Variants in ZCCHC14 observed in about 807,000 individuals in gnomAD.
The protein encoded by ZCCHC14 is zinc finger CCHC domain-containing protein 14.
ZCCHC14 carries 16 observed loss-of-function variants against 85.0 expected under a neutral mutation model. That is an observed-to-expected ratio of 0.19 (90% CI 0.13 to 0.29). The LOEUF is 0.29. ZCCHC14 is among the 10% of genes least tolerant of loss of function. ZCCHC14 has a pLI of 1.00. For missense variants in ZCCHC14, 1,303 were observed against 1,443.5 expected, an observed-to-expected ratio of 0.90 and a Z score of 1.58; for synonymous variants, 775 against 630.7, an observed-to-expected ratio of 1.23 and a Z score of -3.43.
chr16:87,445,918 T>G (rs1050818781), intron 2 of ZCCHC14, among the ~76,000 whole-genome samples: 1 of 152,194 alleles, frequency 6.6e-6, no homozygotes, highest in Non-Finnish European at 1.5e-5. Context: ...AATCAACCTA[T>G]TTTTCTAGGT....
chr16:87,427,922 T>A (rs1430727481), intron 3 of ZCCHC14, among the ~76,000 whole-genome samples: 1 of 149,752 alleles, frequency 6.7e-6, no homozygotes, highest in Non-Finnish European at 1.5e-5. Context: ...CATGAGCCAC[T>A]GCACCTGGCC....
In ZCCHC14 at chr16:87,406,605, A is replaced by G. The variant is rs1281935740; in HGVS notation, c.*3675T>C. ...CAAAGCCTTCTCTTTTTGTGCACGTAAGACTCACACATGTGATGAGGGCTT... is the reference window on the plus strand; with the variant it reads ...CAAAGCCTTCTCTTTTTGTGCACGTGAGACTCACACATGTGATGAGGGCTT... On this transcript the variant is annotated 3_prime_UTR_variant, in exon 13 of 13. Transcript: ENST00000671377. 6.6e-6 allele frequency: 1 copy of G among 152,292 alleles called. No individual in the cohort carries two copies. Among genetic ancestry groups the G allele is most frequent in the Non-Finnish European group, 1.5e-5 (1 of 68,042 alleles). 9.4% of individuals were successfully genotyped at this position (152,292 alleles called of 1,614,324 possible).
At chr16:87,432,518 G>C (rs1208522590) in intron 3 of ZCCHC14, among the ~76,000 whole-genome samples, 10 of 152,158 alleles carry the variant, frequency 6.6e-5, no homozygotes, top group African/African-American at 2.4e-4. Context: ...GCACAGAGTA[G>C]CCAGAGGGGG....
In ZCCHC14 at chr16:87,411,631, G is replaced by A; in HGVS notation, c.3090C>T (p.Gly1030=). Residue 1030 remains glycine, a synonymous_variant, in exon 12 of 13, where the codon GGC becomes GGT. Coordinates refer to ENST00000671377, the MANE Select transcript of ZCCHC14 (RefSeq NM_015144.3). ...TTTTGTGACTGGAACCATTGCTACT[G>A]CCCACCAGTCCTTGGGTCTGGTACA... ...AGVYQTQGLV[G]SSNGSSHKKS... 6.2e-7 allele frequency: 1 copy of A among 1,613,928 alleles called. No homozygotes were observed. Among genetic ancestry groups the A allele is most frequent in the Non-Finnish European group, 8.5e-7 (1 of 1,179,968 alleles).
chr16:87,422,242 G>A (rs1158713044), intron 4 of ZCCHC14, among the ~76,000 whole-genome samples: 1 of 152,138 alleles, frequency 6.6e-6, no homozygotes, highest in Non-Finnish European at 1.5e-5. Flanking sequence ...CAGCAGCCTG[G>A]GCAGAACTGA....
intron 2 of ZCCHC14, among the ~76,000 whole-genome samples, chr16:87,449,194 C>T (rs998662563): frequency 1.4e-4 from 22 of 152,238 alleles, no homozygotes; most frequent in African/African-American, 5.3e-4. Flanking sequence ...TGTTACACAG[C>T]TGTAGCTGAC....
chr16:87,421,150 A>T (rs1013909963), intron 4 of ZCCHC14, among the ~76,000 whole-genome samples: 6 of 152,216 alleles, frequency 3.9e-5, no homozygotes, highest in African/African-American at 1.4e-4. Context: ...AGGCGGGGCA[A>T]GTGGGCCCTT....
intron 1 of ZCCHC14, among the ~76,000 whole-genome samples, chr16:87,480,615 C>T (rs140161797): frequency 6.6e-6 from 1 of 152,166 alleles, no homozygotes; most frequent in Admixed American, 6.5e-5. Context: ...TGTACTACGG[C>T]GGCTTTTCAT....
chr16:87,420,590 C>T lies in ZCCHC14; in HGVS notation c.950+17G>A, dbSNP rs1287532900. On this transcript the variant is annotated intron_variant, in intron 5 of 12. Coordinates refer to ENST00000671377, the MANE Select transcript of ZCCHC14 (RefSeq NM_015144.3). The surrounding 1 kb of genome is among the most constrained non-coding windows in gnomAD (Gnocchi z 5.0). ...TTGCCAGCTGTGGACGCGCCGGGTG[C>T]CTGGTAAGGGCCTCACCTCAGGCCT... The T allele has an allele frequency of 6.2e-7, 1 of 1,603,794 alleles. No individual in the cohort carries two copies. Among genetic ancestry groups the T allele is most frequent in the Admixed American group, 1.7e-5 (1 of 59,150 alleles).
chr16:87,417,593 G>A lies in ZCCHC14; in HGVS notation c.1250C>T (p.Thr417Ile). Residue 417 changes from threonine to isoleucine, a missense_variant, in exon 8 of 13, where the codon ACA becomes ATA. Thr to Ile is a moderately conservative substitution (Grantham distance 89). Coordinates refer to ENST00000671377, the MANE Select transcript of ZCCHC14 (RefSeq NM_015144.3). ...SALAYRTQMD[T>I]SPAILMPSSL... Reference sequence around the variant, plus strand: ...GGAAGGCATGAGGATGGCAGGTGATGTGTCCATCTGGGTCCGGTAGGCCAG... The same window carrying A: ...GGAAGGCATGAGGATGGCAGGTGATATGTCCATCTGGGTCCGGTAGGCCAG... 4 of 1,614,276 alleles carry A rather than the reference G, an allele frequency of 2.5e-6. No homozygotes were observed. The highest frequency in any genetic ancestry group is 3.4e-6 in the Non-Finnish European group (4 of 1,180,052).
intron 1 of ZCCHC14, among the ~76,000 whole-genome samples, chr16:87,480,567 T>C (rs1912222253): frequency 6.6e-6 from 1 of 152,158 alleles, no homozygotes; most frequent in African/African-American, 2.4e-5. Flanking sequence ...GTGACTACTG[T>C]GGCCACTGAA....
intron 6 of ZCCHC14, 148 bp from the exon 7 acceptor site, chr16:87,419,049 C>T (rs1441042506): frequency 8.8e-6 from 6 of 678,610 alleles, no homozygotes; most frequent in African/African-American, 5.5e-5. Flanking sequence ...CTCTGCCTCC[C>T]GGGTTCAAGT....
intron 2 of ZCCHC14, among the ~76,000 whole-genome samples, chr16:87,433,596 A>G (rs757416831): frequency 2.5e-4 from 38 of 152,244 alleles, no homozygotes; most frequent in Non-Finnish European, 4.6e-4. Flanking sequence ...AGCATTTTCA[A>G]CTGTGACTGT....
At chr16:87,474,918 A>C (rs549323772) in intron 1 of ZCCHC14, among the ~76,000 whole-genome samples, 12 of 152,234 alleles carry the variant, frequency 7.9e-5, no homozygotes, top group Non-Finnish European at 1.5e-4. Context: ...TAACACAGGA[A>C]GAGTATCTGG....
chr16:87,455,413 C>CT (rs1013247569), intron 2 of ZCCHC14, among the ~76,000 whole-genome samples: 4 of 152,122 alleles, frequency 2.6e-5, no homozygotes, highest in African/African-American at 9.7e-5. Flanking sequence ...CATGGAGTGG[C>CT]TCAACATTAA....
rs1447438273 is a variant in ZCCHC14, at chr16:87,411,594, G to C, written c.3127C>G (p.Leu1043Val). The part of the protein sequence containing the change: ...NGSSHKKSGN[L>V]SCYNCGATGH... ...GTGGCCCCGCAGTTGTAACAAGATA[G>C]GTTCCCGCTCTTTTTGTGACTGGAA... The change falls in exon 12 of 13, where the codon CTA becomes GTA. Residue 1043 changes from leucine (L) to valine (V), a missense_variant. By Grantham distance (32) the Leu-to-Val change is conservative. Around this residue, in one of 7 missense-constraint regions of ZCCHC14, gnomAD observed 797 missense variants for 730.8 expected, o/e 1.09. Transcript: ENST00000671377. 6.2e-7 allele frequency: 1 copy of C among 1,613,906 alleles called. No homozygotes were observed. The highest frequency in any genetic ancestry group is 8.5e-7 in the Non-Finnish European group (1 of 1,180,032).
intron 3 of ZCCHC14, among the ~76,000 whole-genome samples, chr16:87,429,338 C>A (rs1909532018): frequency 6.6e-6 from 1 of 152,166 alleles, no homozygotes; most frequent in African/African-American, 2.4e-5. Flanking sequence ...TCTTCCTTGG[C>A]AAATCATCTT....
intron 1 of ZCCHC14, among the ~76,000 whole-genome samples, chr16:87,461,805 T>C (rs1911271808): frequency 6.6e-6 from 1 of 152,198 alleles, no homozygotes; most frequent in Admixed American, 6.5e-5. Context: ...CCCAAGTCCA[T>C]AGCGAGATCC....
chr16:87,449,754 C>T (rs927078393), intron 2 of ZCCHC14, among the ~76,000 whole-genome samples: 3 of 152,062 alleles, frequency 2.0e-5, no homozygotes, highest in African/African-American at 7.2e-5. Context: ...TAAAAAATGA[C>T]CCAGGATAAG....
Sources: allele counts gnomAD v4.1 joint callset (sites outside exome capture counted in the v4.1 genomes callset), GRCh38; gene constraint gnomAD v4.1.1; regional missense constraint gnomAD v4.1.1; non-coding constraint Gnocchi (gnomAD v3.1); transcripts MANE v1.5; gene names NCBI Gene and HGNC (gene_info 2026-07-23, HGNC 2026-07-21).